NOTCH3: variants seen among roughly 807,000 people sequenced by gnomAD.
NOTCH3 encodes notch receptor 3, also known as neurogenic locus notch homolog protein 3.
Under a neutral mutation model 213.3 loss-of-function variants are expected in NOTCH3, and 86 were observed. The ratio of observed to expected loss-of-function variants is 0.40; its 90% CI spans 0.34 to 0.48. The LOEUF (loss-of-function observed/expected upper bound fraction) is 0.48. Ranked by LOEUF, NOTCH3 falls within the 20% of genes least tolerant of loss-of-function variation. The pLI is 0.57. For missense variants in NOTCH3, 2,783 were observed against 3,272.6 expected, an observed-to-expected ratio of 0.85 and a Z score of 3.65; for synonymous variants, 1,354 against 1,355.9, an observed-to-expected ratio of 1.00 and a Z score of 0.03.
chr19:15,173,376 C>G (rs1307038636), intron 25 of NOTCH3, among the ~76,000 whole-genome samples: 1 of 138,724 alleles, frequency 7.2e-6, no homozygotes, highest in African/African-American at 2.7e-5. Flanking sequence ...AAGCCGAGAT[C>G]GCGCCTCTGC....
chr19:15,191,393 A>G (rs1255673547), intron 6 of NOTCH3, 31 bp downstream of exon 6: 3 of 1,587,752 alleles, frequency 1.9e-6, no homozygotes, highest in Non-Finnish European at 2.6e-6. Context: ...AAAACCATCC[A>G]TGGCTCCCTG....
rs1462717220 is a variant in NOTCH3, at chr19:15,181,748, A to G, written c.2620T>C (p.Ser874Pro). Reference sequence around the variant, plus strand: ...GGGCCGGCGAAACCAGGGAGGCAGGAGCAGGAAAAGGAGCCCACGCCGTCT... The same window carrying G: ...GGGCCGGCGAAACCAGGGAGGCAGGGGCAGGAAAAGGAGCCCACGCCGTCT... ...CQDGVGSFSC[S>P]CLPGFAGPRC... is the part of the protein sequence containing the mutation. The change falls in exon 17 of 33, where the codon TCC becomes CCC. Residue 874 changes from serine (S) to proline (P), a missense_variant. Physicochemically the swap from Ser to Pro is moderately conservative, Grantham distance 74. Coordinates refer to ENST00000263388, the MANE Select transcript of NOTCH3 (RefSeq NM_000435.3). 1 of 1,574,512 alleles carries G rather than the reference A, an allele frequency of 6.4e-7. No individual in the cohort carries two copies. Among genetic ancestry groups the G allele is most frequent in the Non-Finnish European group, 8.6e-7 (1 of 1,159,482 alleles).
chr19:15,169,945 G>T, intron 28 of NOTCH3, 141 bp downstream of exon 28: 4 of 631,738 alleles, frequency 6.3e-6, no homozygotes, highest in Non-Finnish European at 1.1e-5. Flanking sequence ...GGGTTGCAAA[G>T]CTGGGACTAT....
chr19:15,178,264 C>T, intron 23 of NOTCH3, 174 bp from the exon 24 acceptor site: 2 of 542,514 alleles, frequency 3.7e-6, no homozygotes, highest in African/African-American at 2.0e-5. Context: ...CCCACCCAAC[C>T]GCTCCCCTTT....
intron 2 of NOTCH3, among the ~76,000 whole-genome samples, chr19:15,194,328 A>G (rs557761927): frequency 6.6e-6 from 1 of 152,304 alleles, no homozygotes; most frequent in Admixed American, 6.5e-5. Context: ...CTGGAGTGAG[A>G]CAGCCACTAG....
In NOTCH3 at chr19:15,159,994, C is replaced by A. The variant is rs1044055; in HGVS notation, c.*668G>T. 162,179 of 233,276 alleles carry A rather than the reference C, an allele frequency of 0.7. 57,599 individuals carry two copies. The highest frequency in any genetic ancestry group is 0.77 in the Non-Finnish European group (90,643 of 117,868). The allele number at this position is 233,276 out of a possible 1,614,324, so 14.5% of individuals were successfully genotyped here. A position where few individuals can be genotyped will look rare whatever the true frequency, so the allele number is the denominator to read the frequency against. The stretch of plus-strand genomic sequence containing the variant: ...CCCAGCAAGGCTATGGAACATGTCC[C>A]ATCTGGAATGCAGTGAAGTGAGGGA... On this transcript the variant is annotated 3_prime_UTR_variant, in exon 33 of 33. Coordinates refer to ENST00000263388, the MANE Select transcript of NOTCH3 (RefSeq NM_000435.3).
At chr19:15,162,797 GCA>G (rs2046657067) in intron 31 of NOTCH3, among the ~76,000 whole-genome samples, 1 of 138,370 alleles carries the variant, frequency 7.2e-6, no homozygotes, top group South Asian at 2.3e-4. Flanking sequence ...GTGTGTGCGT[GCA>G]TGTGCATGAC....
In NOTCH3 at chr19:15,180,083, A is replaced by G. The variant is rs746266327; in HGVS notation, c.3316T>C (p.Tyr1106His). Residue 1106 changes from tyrosine (Y) to histidine (H), a missense_variant, in exon 20 of 33, where the codon TAC becomes CAC. By Grantham distance (83) the Tyr-to-His change is moderately conservative (BLOSUM62 2). This residue lies in a region of NOTCH3 where 861 missense variants were observed against 909.1 expected (regional missense o/e 0.95). Transcript: ENST00000263388. ...GAGCGCCCCCTTACCTCACACATGT[A>G]GCCCCCCATATAGCCACGGCAGGTC... ...GGTCRGYMGG[Y>H]MCECLPGYNG... is the part of the protein sequence containing the mutation. 3.1e-6 allele frequency: 5 copies of G among 1,608,972 alleles called. No individual in the cohort carries two copies. The highest frequency in any genetic ancestry group is 4.2e-6 in the Non-Finnish European group (5 of 1,177,024).
At position 15,179,127 on chromosome 19, in the gene NOTCH3, T is replaced by C. The variant is rs986650645; in HGVS notation, c.3616A>G (p.Ile1206Val). ...CAGGCACCTGAGCGACACTCATTGATGTCTGCCTCGCAGCGCAAACCAGTG... is the reference window on the plus strand; with the variant it reads ...CAGGCACCTGAGCGACACTCATTGACGTCTGCCTCGCAGCGCAAACCAGTG... ...GYTGLRCEAD[I>V]NECRSGACHA... The change falls in exon 22 of 33, where the codon ATC becomes GTC. Residue 1206 changes from isoleucine to valine, a missense_variant. By Grantham distance (29) the Ile-to-Val change is conservative. Around this residue, in one of 6 missense-constraint regions of NOTCH3, gnomAD observed 861 missense variants for 909.1 expected, o/e 0.95. Coordinates refer to ENST00000263388, the MANE Select transcript of NOTCH3 (RefSeq NM_000435.3). 2 of 1,614,086 alleles carry C rather than the reference T, an allele frequency of 1.2e-6. No individual in the cohort carries two copies. Among genetic ancestry groups the C allele is most frequent in the Non-Finnish European group, 1.7e-6 (2 of 1,180,036 alleles).
In NOTCH3 at chr19:15,177,729, C is replaced by T. The variant is rs1356104476; in HGVS notation, c.4199G>A (p.Arg1400His). ...AACQAKRGDQ[R>H]CDRECNSPGC... ...TGGGCTGTTGCACTCGCGGTCGCAGCGCTGGTCCCCGCGCTTGGCCTGGCA... is the reference window on the plus strand; with the variant it reads ...TGGGCTGTTGCACTCGCGGTCGCAGTGCTGGTCCCCGCGCTTGGCCTGGCA... Residue 1400 changes from arginine (R) to histidine (H), a missense_variant, in exon 24 of 33, where the codon CGC becomes CAC. Physicochemically the swap from Arg to His is conservative, Grantham distance 29. Around this residue, in one of 6 missense-constraint regions of NOTCH3, gnomAD observed 133 missense variants for 201.9 expected, o/e 0.66. Transcript: ENST00000263388. 1.3e-6 allele frequency: 2 copies of T among 1,508,384 alleles called. No homozygotes were observed. Among genetic ancestry groups the T allele is most frequent in the Non-Finnish European group, 1.8e-6 (2 of 1,135,080 alleles). The allele number at this position is 1,508,384 out of a possible 1,614,324, so 93.4% of individuals were successfully genotyped here.
chr19:15,200,195 G>GGA (rs2047001087), intron 1 of NOTCH3, among the ~76,000 whole-genome samples: 1 of 151,096 alleles, frequency 6.6e-6, no homozygotes, highest in African/African-American at 2.4e-5. Flanking sequence ...CGCGGCCAGA[G>GGA]GAGAGAGGCG....
chr19:15,189,252 A>T, intron 7 of NOTCH3, 21 bp downstream of exon 7: 1 of 1,613,920 alleles, frequency 6.2e-7, no homozygotes, highest in Non-Finnish European at 8.5e-7. Context: ...GCCCATTCAC[A>T]GACGATGGAG....
At chr19:15,176,018 G>C (rs952830962) in intron 24 of NOTCH3, among the ~76,000 whole-genome samples, 1 of 151,840 alleles carries the variant, frequency 6.6e-6, no homozygotes, top group Admixed American at 6.6e-5. Flanking sequence ...GAGAGGGGCA[G>C]AAGAGGGGCA....
At chr19:15,193,371 G>A (rs1399697202) in intron 2 of NOTCH3, among the ~76,000 whole-genome samples, 3 of 151,844 alleles carry the variant, frequency 2.0e-5, no homozygotes, top group Non-Finnish European at 4.4e-5. Flanking sequence ...TGCGTAGCTG[G>A]GAGTACAGGC....
chr19:15,192,280 G>C lies in NOTCH3; in HGVS notation c.359C>G (p.Pro120Arg). Residue 120 changes from proline (P) to arginine (R), a missense_variant, in exon 4 of 33, where the codon CCA (proline) becomes CGA (arginine). By Grantham distance (103) the Pro-to-Arg change is moderately radical. This residue lies in a region of NOTCH3 where 708 missense variants were observed against 906.6 expected (regional missense o/e 0.78). Transcript: ENST00000263388. The part of the protein sequence containing the change: ...RGFRGPDCSL[P>R]DPCLSSPCAH... ...ACAAGGGCTGCTGAGGCAGGGATCT[G>C]GCAGGGAGCAGTCAGGGCCTGGAGG... 6.2e-7 allele frequency: 1 copy of C among 1,602,210 alleles called. No individual in the cohort carries two copies. The highest frequency in any genetic ancestry group is 1.1e-5 in the South Asian group (1 of 89,664).
intron 25 of NOTCH3, among the ~76,000 whole-genome samples, chr19:15,172,555 G>C (rs1297067579): frequency 6.6e-6 from 1 of 151,516 alleles, no homozygotes; most frequent in East Asian, 1.9e-4. Flanking sequence ...CCTCCTCTCT[G>C]TATCAGAGAC....
chr19:15,197,446 T>TCCCCCCCCCCCCCCCC, intron 2 of NOTCH3, 54 bp downstream of exon 2: 1 of 460,716 alleles, frequency 2.2e-6, no homozygotes, highest in Admixed American at 2.7e-5. Context: ...AAATCGCCCC[T>TCCCCCCCCCCCCCCCC]CCCCCCCGCC....
chr19:15,181,092 T>C lies in NOTCH3; in HGVS notation c.2863A>G (p.Thr955Ala), dbSNP rs770228745. The change falls in exon 18 of 33, where the codon ACA becomes GCA. Residue 955 changes from threonine to alanine, a missense_variant. Thr to Ala is a moderately conservative substitution (Grantham distance 58, BLOSUM62 0). This residue lies in a region of NOTCH3 where 861 missense variants were observed against 909.1 expected (regional missense o/e 0.95). Transcript: ENST00000263388. ...SFSCLCRPGY[T>A]GAHCQHEADP... The stretch of plus-strand genomic sequence containing the variant: ...GCCTCATGTTGGCAGTGGGCTCCTG[T>C]GTAGCCGGGACGGCACAGGCAGCTG... 6.2e-7 allele frequency: 1 copy of C among 1,609,684 alleles called. No homozygotes were observed. Among genetic ancestry groups the C allele is most frequent in the East Asian group, 2.2e-5 (1 of 44,738 alleles).
chr19:15,160,517 G>C lies in NOTCH3; in HGVS notation c.*145C>G, dbSNP rs558168808. Reference sequence around the variant, plus strand: ...AAGCCCTGGGCTGATGACCTATCTCGGTCACGCTGCAAGGCAAGGATGCAG... The same window carrying C: ...AAGCCCTGGGCTGATGACCTATCTCCGTCACGCTGCAAGGCAAGGATGCAG... On this transcript the variant is annotated 3_prime_UTR_variant, in exon 33 of 33. Coordinates refer to ENST00000263388, the MANE Select transcript of NOTCH3 (RefSeq NM_000435.3). The C allele has an allele frequency of 1.3e-6, 1 of 780,746 alleles. No individual in the cohort carries two copies. The highest frequency in any genetic ancestry group is 2.5e-5 in the East Asian group (1 of 40,264). The allele number at this position is 780,746 out of a possible 1,614,324, so 48.4% of individuals were successfully genotyped here.
Sources: allele counts gnomAD v4.1 joint callset (sites outside exome capture counted in the v4.1 genomes callset), GRCh38; gene constraint gnomAD v4.1.1; regional missense constraint gnomAD v4.1.1; transcripts MANE v1.5; gene names NCBI Gene and HGNC (gene_info 2026-07-23, HGNC 2026-07-21).